The following NDUFAF6 variants were observed in gnomAD, a reference collection of about 807,000 sequenced individuals.
NDUFAF6 encodes the protein NADH dehydrogenase (ubiquinone) complex I, assembly factor 6.
A neutral mutation model predicts 40.8 loss-of-function variants in NDUFAF6; 45 were observed. The observed-to-expected ratio is 1.10, with a 90% CI of 0.87 to 1.42. The LOEUF (loss-of-function observed/expected upper bound fraction) is 1.42. NDUFAF6 is among the 40% of genes most tolerant of loss of function. NDUFAF6 has a pLI of 0.00. For synonymous variants in NDUFAF6, 185 were observed against 155.9 expected, an observed-to-expected ratio of 1.19 and a Z score of -1.39; for missense variants, 435 against 418.5, an observed-to-expected ratio of 1.04 and a Z score of -0.34.
intron 1 of NDUFAF6, among the ~76,000 whole-genome samples, chr8:94,923,328 T>G (rs368256424): frequency 2.0e-5 from 3 of 152,352 alleles, no homozygotes; most frequent in East Asian, 3.9e-4. Context: ...AGAAATGTTC[T>G]CTATCTGCAC....
intron 2 of NDUFAF6, among the ~76,000 whole-genome samples, chr8:94,997,997 C>T (rs140976798): frequency 1.3e-3 from 191 of 152,248 alleles, no homozygotes; most frequent in African/African-American, 4.4e-3. Flanking sequence ...TCCCATCTGC[C>T]TCTTACACCT....
chr8:94,960,907 C>T (rs1027593215), intron 1 of NDUFAF6, among the ~76,000 whole-genome samples: 8 of 152,212 alleles, frequency 5.3e-5, no homozygotes, highest in African/African-American at 1.4e-4. Flanking sequence ...CTGCCCAACA[C>T]GTCAGCTACA....
At position 94,992,414 on chromosome 8, in the gene NDUFAF6, G is replaced by C. The variant is rs1341518692; in HGVS notation, c.-84+11441G>C. On this transcript the variant is annotated intron_variant, in intron 2 of 9. Coordinates refer to the NDUFAF6 transcript ENST00000396111. ...AGGCAAGAGAATCACTTGAACCTGG[G>C]AGGTGGAGGTTTTAGTAAGCTGAGA... Among the ~76,000 whole-genome samples, 4 of 152,246 alleles carry C rather than the reference G, an allele frequency of 2.6e-5. No individual in the cohort carries two copies. In the East Asian group the frequency reaches 7.7e-4, roughly 29 times the overall value.
intron 8 of NDUFAF6, among the ~76,000 whole-genome samples, chr8:95,056,800 G>T (rs1015867055): frequency 6.6e-6 from 1 of 151,814 alleles, no homozygotes; most frequent in African/African-American, 2.4e-5. Flanking sequence ...CAGCTACTCT[G>T]GAGGCTGAGG....
At chr8:94,973,883 AG>A (rs1156253079) in intron 1 of NDUFAF6, among the ~76,000 whole-genome samples, 4 of 150,760 alleles carry the variant, frequency 2.7e-5, no homozygotes, top group Non-Finnish European at 5.9e-5. Flanking sequence ...GGCCCTCCCC[AG>A]ACATGGAATC....
intron 1 of NDUFAF6, among the ~76,000 whole-genome samples, chr8:95,027,503 A>G (rs1250454769): frequency 6.7e-6 from 1 of 149,630 alleles, no homozygotes; most frequent in Non-Finnish European, 1.5e-5. Context: ...TCACTTGAAC[A>G]TGGGAGGTTG....
Position 95,025,248 on chromosome 8 carries a change from CCCGGGGTGGGAGCGG to C in NDUFAF6, c.197+45_197+59del, listed in dbSNP as rs1317716592. On this transcript the variant is annotated intron_variant, in intron 1 of 8. Coordinates refer to ENST00000396124, the MANE Select transcript of NDUFAF6 (RefSeq NM_152416.4). ...TCCCTGGCGCGGCGGGAAGCGGGGT[CCCGGGGTGGGAGCGG>C]CTGCGCCTCGCGTCTGGCCTGACGT... is the stretch of plus-strand genomic sequence containing the variant. 6.6e-6 allele frequency: 9 copies of C among 1,355,394 alleles called. No individual in the cohort carries two copies. The East Asian group carries it at 2.2e-4, about 33-fold the overall frequency. 84.0% of individuals were successfully genotyped at this position (1,355,394 alleles called of 1,614,324 possible).
intron 2 of NDUFAF6, among the ~76,000 whole-genome samples, chr8:94,998,388 A>T (rs968885934): frequency 1.4e-5 from 2 of 146,676 alleles, no homozygotes; most frequent in African/African-American, 5.4e-5. Context: ...ATACACACAC[A>T]CACACACACA....
intron 1 of NDUFAF6, among the ~76,000 whole-genome samples, chr8:94,903,464 A>G (rs74819717): frequency 6.6e-6 from 1 of 152,230 alleles, no homozygotes; most frequent in Admixed American, 6.5e-5. Context: ...TTTCAAAAAC[A>G]AAAGCAAATT....
chr8:95,089,450 T>C, intron 2 of NDUFAF6, among the ~76,000 whole-genome samples: 1 of 99,836 alleles, frequency 1.0e-5, no homozygotes. Context: ...ATATACATAG[T>C]GTAAACTGTG....
At chr8:95,006,762 C>T (rs1430935340) in intron 2 of NDUFAF6, among the ~76,000 whole-genome samples, 2 of 152,048 alleles carry the variant, frequency 1.3e-5, no homozygotes, top group African/African-American at 4.8e-5. Context: ...CGCCTGCATT[C>T]CCAGCTACTC....
intron 3 of NDUFAF6, among the ~76,000 whole-genome samples, chr8:95,039,125 C>T (rs1163333669): frequency 2.6e-5 from 4 of 151,726 alleles, no homozygotes; most frequent in Non-Finnish European, 2.9e-5. Flanking sequence ...TACAGTTACC[C>T]GCCACCATGC....
downstream of NDUFAF6, among the ~76,000 whole-genome samples, chr8:95,107,622 G>A (rs931788998): frequency 6.6e-6 from 1 of 151,732 alleles, no homozygotes; most frequent in Non-Finnish European, 1.5e-5. Flanking sequence ...AGAACTTAAA[G>A]TGTAATAAAA....
chr8:94,913,656 T>G (rs1818931664), intron 1 of NDUFAF6, among the ~76,000 whole-genome samples: 1 of 152,212 alleles, frequency 6.6e-6, no homozygotes, highest in South Asian at 2.1e-4. Context: ...AAAATCAGCT[T>G]AGCATTCTGG....
intron 8 of NDUFAF6, among the ~76,000 whole-genome samples, chr8:95,054,841 T>G (rs1480887333): frequency 6.6e-6 from 1 of 152,224 alleles, no homozygotes; most frequent in Non-Finnish European, 1.5e-5. Context: ...GGACAGGGCC[T>G]CTTAATTGTT....
At chr8:94,896,203 G>A (rs1817545162) in intron 1 of NDUFAF6, among the ~76,000 whole-genome samples, 1 of 150,826 alleles carries the variant, frequency 6.6e-6, no homozygotes, top group Non-Finnish European at 1.5e-5. Context: ...GGTCCCCGGG[G>A]ACCTGGCCGG....
At chr8:95,051,057 G>T (rs1179538108) in intron 7 of NDUFAF6, among the ~76,000 whole-genome samples, 1 of 152,084 alleles carries the variant, frequency 6.6e-6, no homozygotes, top group East Asian at 1.9e-4. Flanking sequence ...GAAGGAGATG[G>T]ACTATTAAAA....
chr8:94,986,763 G>A (rs914161197), intron 2 of NDUFAF6, among the ~76,000 whole-genome samples: 1 of 152,194 alleles, frequency 6.6e-6, no homozygotes, highest in African/African-American at 2.4e-5. Context: ...TTTGGTTTCT[G>A]TGACATGATG....
chr8:95,108,832 A>G (rs1247026601), intron 4 of NDUFAF6, among the ~76,000 whole-genome samples: 1 of 152,186 alleles, frequency 6.6e-6, no homozygotes, highest in African/African-American at 2.4e-5. Flanking sequence ...TAGTAATTCC[A>G]CTTCTGAGTA....
Sources: gnomAD v4.1 joint callset for allele counts (sites outside exome capture counted in the v4.1 genomes callset) on GRCh38, gnomAD v4.1.1 for gene constraint, MANE v1.5 for transcripts, NCBI Gene and HGNC (gene_info 2026-07-23, HGNC 2026-07-21) for gene names.